The following AKT2 variants were observed in gnomAD, a reference collection of about 807,000 sequenced individuals.
AKT2 encodes RAC-beta serine/threonine-protein kinase.
Under a neutral mutation model 58.6 loss-of-function variants are expected in AKT2, and 16 were observed. The ratio of observed to expected loss-of-function variants is 0.27; its 90% CI spans 0.18 to 0.41. The LOEUF is 0.41. Among genes scored for constraint, AKT2 ranks in the 10% least tolerant of loss-of-function variants. The pLI, the probability that AKT2 is intolerant of heterozygous loss-of-function variation, is 1.00. For synonymous variants in AKT2, 253 were observed against 254.0 expected (o/e 1.00, Z 0.04); for missense variants, 438 against 661.0 (o/e 0.66, Z 3.70).
chr19:40,258,265 A>C (rs1470382690), intron 2 of AKT2, among the ~76,000 whole-genome samples: 5 of 141,956 alleles, frequency 3.5e-5, no homozygotes, highest in Non-Finnish European at 7.7e-5. Context: ...AAAAAAAAAC[A>C]AAAAAAAAAA....
chr19:40,233,594 AT>A lies in AKT2; in HGVS notation c.*277del. ...TCACCCCTCACTGGGGCTTGTGTGG[AT>A]TAAAACCTGAATCTCCAACCGCCCA... is the stretch of plus-strand genomic sequence containing the variant. On this transcript the variant is annotated 3_prime_UTR_variant, in exon 14 of 14. Coordinates refer to ENST00000392038, the MANE Select transcript of AKT2 (RefSeq NM_001626.6). This position sits in a 1 kb window ranked among gnomAD's most constrained non-coding sequence, Gnocchi z 4.3. The A allele has an allele frequency of 1.4e-6, 1 of 714,546 alleles. No individual in the cohort carries two copies. The highest frequency in any genetic ancestry group is 2.6e-6 in the Non-Finnish European group (1 of 384,826). The allele number at this position is 714,546 out of a possible 1,614,324, so 44.3% of individuals were successfully genotyped here.
At chr19:40,261,754 C>G (rs934218362) in intron 2 of AKT2, among the ~76,000 whole-genome samples, 2 of 152,084 alleles carry the variant, frequency 1.3e-5, no homozygotes, top group Non-Finnish European at 2.9e-5. Flanking sequence ...CAAAAACTGA[C>G]TGCTTAATGG....
chr19:40,235,025 C>A lies in AKT2; in HGVS notation c.1366+20G>T. The A allele has an allele frequency of 1.1e-5, 18 of 1,608,734 alleles. No homozygotes were observed. Among genetic ancestry groups the A allele is most frequent in the Non-Finnish European group, 1.5e-5 (18 of 1,175,066 alleles). On this transcript the variant is annotated intron_variant, in intron 13 of 13. Transcript: ENST00000392038. The surrounding 1 kb of genome is among the most constrained non-coding windows in gnomAD (Gnocchi z 6.3). ...CACCCCTGGGGCAGGCACACCAGCG[C>A]GGGGGCCCCAGGCACTCACAGCGGT...
intron 1 of AKT2, among the ~76,000 whole-genome samples, chr19:40,275,964 A>G (rs948328290): frequency 1.3e-5 from 2 of 151,190 alleles, no homozygotes; most frequent in African/African-American, 4.9e-5. Context: ...GTGAGACAAG[A>G]TCACACCACT....
At chr19:40,240,135 G>T in intron 6 of AKT2, 25 bp from the exon 7 acceptor site, 1 of 1,613,356 alleles carries the variant, frequency 6.2e-7, no homozygotes, top group Non-Finnish European at 8.5e-7. Context: ...CGGGTGAGGG[G>T]CTGGTGGGCA....
At chr19:40,277,983 T>TC (rs1430476428) in intron 1 of AKT2, among the ~76,000 whole-genome samples, 1 of 152,056 alleles carries the variant, frequency 6.6e-6, no homozygotes, top group Non-Finnish European at 1.5e-5. Context: ...CCTCATCTCT[T>TC]CCCCCTGGGC....
rs755987647 is a variant in AKT2, at chr19:40,241,977, G to A, written c.534C>T (p.Tyr178=). The A allele has an allele frequency of 1.2e-5, 20 of 1,614,110 alleles. 1 individual carries two copies. The highest frequency in any genetic ancestry group is 5.3e-5 in the African/African-American group (4 of 74,944). The change falls in exon 6 of 14, where the codon TAC becomes TAT. Residue 178 remains tyrosine, a synonymous_variant. Transcript: ENST00000392038. ...LVREKATGRY[Y]AMKILRKEVI... ...CTTCCTTCCGCAGGATCTTCATGGC[G>A]TAGTAGCGGCCAGTGGCCTTCTCCC...
At chr19:40,284,014 C>A (rs901714226) in intron 1 of AKT2, among the ~76,000 whole-genome samples, 9 of 152,158 alleles carry the variant, frequency 5.9e-5, no homozygotes, top group African/African-American at 1.2e-4. Flanking sequence ...ACATCCACTG[C>A]CAACCAAGTT....
chr19:40,262,524 C>A lies in AKT2; in HGVS notation c.46+2698G>T, dbSNP rs567820464. Among the ~76,000 whole-genome samples the A allele has an allele frequency of 2.2e-4, 33 of 152,324 alleles. 1 individual carries two copies. The South Asian group carries it at 6.8e-3, about 32-fold the overall frequency. ...GCAGCTGTGTCAGAAGTGGGACCAGCACATGGCATGAGTGACTCTGATTAG... is the reference window on the plus strand; with the variant it reads ...GCAGCTGTGTCAGAAGTGGGACCAGAACATGGCATGAGTGACTCTGATTAG... On this transcript the variant is annotated intron_variant, in intron 2 of 13. Transcript: ENST00000392038.
rs1267290908 is a variant in AKT2, at chr19:40,230,416, C to T, written c.*3456G>A. The T allele has an allele frequency of 4.5e-6, 1 of 224,268 alleles. No homozygotes were observed. Among genetic ancestry groups the T allele is most frequent in the Admixed American group, 5.7e-5 (1 of 17,488 alleles). 13.9% of individuals were successfully genotyped at this position (224,268 alleles called of 1,614,324 possible). On this transcript the variant is annotated 3_prime_UTR_variant, in exon 14 of 14. Transcript: ENST00000392038. Reference sequence around the variant, plus strand: ...GCAGCTGAAGCGGTTGAGGGGTCTACCCCATGGAACCCCAGGAAGCAGCTG... The same window carrying T: ...GCAGCTGAAGCGGTTGAGGGGTCTATCCCATGGAACCCCAGGAAGCAGCTG...
intron 1 of AKT2, among the ~76,000 whole-genome samples, chr19:40,268,384 T>G (rs2145381205): frequency 6.6e-6 from 1 of 152,322 alleles, no homozygotes. Context: ...CTGCCATTAT[T>G]CCAGAGAGAA....
chr19:40,248,702 A>G (rs1974917520), intron 4 of AKT2, among the ~76,000 whole-genome samples: 1 of 152,212 alleles, frequency 6.6e-6, no homozygotes, highest in Non-Finnish European at 1.5e-5. Flanking sequence ...GAATGGCTGG[A>G]GCCAACAGAG....
At chr19:40,272,216 C>T (rs1488764143) in intron 1 of AKT2, among the ~76,000 whole-genome samples, 2 of 152,276 alleles carry the variant, frequency 1.3e-5, no homozygotes, top group East Asian at 1.9e-4. Context: ...GGCTCCCCCA[C>T]AACACCATGC....
chr19:40,255,162 C>T lies in AKT2; in HGVS notation c.283G>A (p.Glu95Lys), dbSNP rs374073998. 3.0e-5 allele frequency: 48 copies of T among 1,612,106 alleles called. No homozygotes were observed. Among genetic ancestry groups the T allele is most frequent in the Middle Eastern group, 1.6e-4 (1 of 6,062 alleles). The part of the protein sequence containing the change: ...ERTFHVDSPD[E>K]REEWMRAIQM... The stretch of plus-strand genomic sequence containing the variant: ...CACACAGAGGCCCAGACTGACCTCT[C>T]GTCTGGAGAATCCACGTGGAAGGTC... The change falls in exon 4 of 14, where the codon GAG (glutamate) becomes AAG (lysine). Residue 95 changes from glutamate to lysine, a missense_variant. Physicochemically the swap from Glu to Lys is moderately conservative, Grantham distance 56 (BLOSUM62 1). This residue lies in a region of AKT2 where 244 missense variants were observed against 347.1 expected (regional missense o/e 0.70). Transcript: ENST00000392038.
chr19:40,240,342 T>C (rs1599971483), intron 6 of AKT2: 1 of 713,996 alleles, frequency 1.4e-6, no homozygotes, highest in East Asian at 2.7e-5. Context: ...AATGTCACAA[T>C]GTAAGGACCA....
chr19:40,273,783 C>T (rs930206068), intron 1 of AKT2, among the ~76,000 whole-genome samples: 4 of 152,148 alleles, frequency 2.6e-5, no homozygotes, highest in African/African-American at 7.2e-5. Context: ...CCACGGGCTC[C>T]ATACACTCTG....
intron 4 of AKT2, among the ~76,000 whole-genome samples, chr19:40,246,862 C>G (rs1167288590): frequency 6.6e-6 from 1 of 152,248 alleles, no homozygotes; most frequent in Non-Finnish European, 1.5e-5. Flanking sequence ...GCCCTCCCAG[C>G]TCTCCCCTCC....
intron 1 of AKT2, 143 bp downstream of exon 1, chr19:40,285,038 C>T (rs982794868): frequency 1.0e-5 from 4 of 384,360 alleles, no homozygotes; most frequent in African/African-American, 6.2e-5. Context: ...GCTCGGCCAC[C>T]CCCACTCAGC....
chr19:40,277,587 C>T (rs2077349780), intron 1 of AKT2, among the ~76,000 whole-genome samples: 1 of 152,210 alleles, frequency 6.6e-6, no homozygotes. Context: ...CACCCACTCC[C>T]CCGGCTCCAG....
Sources: allele counts gnomAD v4.1 joint callset (sites outside exome capture counted in the v4.1 genomes callset), GRCh38; gene constraint gnomAD v4.1.1; regional missense constraint gnomAD v4.1.1; non-coding constraint Gnocchi (gnomAD v3.1); transcripts MANE v1.5; gene names NCBI Gene and HGNC (gene_info 2026-07-23, HGNC 2026-07-21).